The following CCNH variants were observed in gnomAD, a reference collection of about 807,000 sequenced individuals.
CCNH encodes the protein cyclin H.
CCNH carries 31 observed loss-of-function variants against 41.9 expected under a neutral mutation model. That is an observed-to-expected ratio of 0.74 (90% CI 0.56 to 1.00). CCNH has a LOEUF of 1.00. Ranked by LOEUF, CCNH falls within the 50% of genes least tolerant of loss-of-function variation. The pLI is 0.00. For synonymous variants in CCNH, 138 were observed against 136.1 expected (o/e 1.01, Z -0.10); for missense variants, 362 against 388.4 (o/e 0.93, Z 0.57).
At chr5:87,351,672 G>A (rs1382358832) in intron 9 of CCNH, among the ~76,000 whole-genome samples, 1 of 151,592 alleles carries the variant, frequency 6.6e-6, no homozygotes, top group Non-Finnish European at 1.5e-5. Flanking sequence ...GAAAATTCTG[G>A]TTTATCTCCC....
At chr5:87,372,039 GAAA>G, downstream of CCNH, 2 of 1,020,322 alleles carry the variant, frequency 2.0e-6, no homozygotes, top group Non-Finnish European at 2.8e-6. Flanking sequence ...TGTTGAATTT[GAAA>G]AAAAAAACCT....
rs1206982230 is a variant in CCNH, at chr5:87,408,192, G to T, written c.315-6C>A. On this transcript the variant is annotated splice_region_variant and splice_polypyrimidine_tract_variant and intron_variant, in intron 3 of 8. Coordinates refer to ENST00000256897, the MANE Select transcript of CCNH (RefSeq NM_001239.4). The stretch of plus-strand genomic sequence containing the variant: ...CCAAAAATGCACAAGTGAGCCTAGA[G>T]GAAAAAATAAGGAGGCAGGAGGCAG... 6.5e-7 allele frequency: 1 copy of T among 1,530,978 alleles called. No individual in the cohort carries two copies. The highest frequency in any genetic ancestry group is 2.3e-5 in the East Asian group (1 of 42,838). The allele number at this position is 1,530,978 out of a possible 1,614,324, so 94.8% of individuals were successfully genotyped here.
chr5:87,376,583 A>T, exon 1 of CCNH: 1 of 1,607,774 alleles, frequency 6.2e-7, no homozygotes. Flanking sequence ...ATTATTTATC[A>T]GTCTTGTTTT....
chr5:87,411,623 T>TG (rs1764250313), intron 1 of CCNH, among the ~76,000 whole-genome samples: 2 of 152,340 alleles, frequency 1.3e-5, no homozygotes, highest in South Asian at 4.1e-4. Flanking sequence ...TGTGTGCACA[T>TG]GCTCACAGTT....
exon 1 of CCNH, chr5:87,376,312 C>T (rs1299454737): frequency 1.3e-6 from 2 of 1,513,064 alleles, no homozygotes; most frequent in African/African-American, 1.4e-5. Flanking sequence ...ATAGGGAAGA[C>T]TGAACACCAG....
At chr5:87,393,865 A>G (rs1221441845), downstream of CCNH, 4 of 152,258 alleles carry the variant, frequency 2.6e-5, no homozygotes, top group African/African-American at 9.7e-5. Flanking sequence ...CTAGCGTAAG[A>G]GTTTGATGTA....
At chr5:87,387,465 TAATC>T (rs1037499628), downstream of CCNH, among the ~76,000 whole-genome samples, 5 of 152,312 alleles carry the variant, frequency 3.3e-5, no homozygotes, top group East Asian at 1.9e-4. Context: ...CTGCCTTTCT[TAATC>T]AAGTTAAATT....
At chr5:87,402,089 C>T (rs1580451256) in intron 5 of CCNH, among the ~76,000 whole-genome samples, 1 of 152,162 alleles carries the variant, frequency 6.6e-6, no homozygotes. Context: ...CCTTATTTTA[C>T]AGATGAGGAA....
At chr5:87,381,036 C>G (rs566843293), upstream of CCNH, among the ~76,000 whole-genome samples, 1 of 152,292 alleles carries the variant, frequency 6.6e-6, no homozygotes, top group South Asian at 2.1e-4. Flanking sequence ...GTGTTTCAGT[C>G]TGCTCATTGT....
At position 87,366,322 on chromosome 5, in the gene CCNH, C is replaced by T. The variant is rs752763749; in HGVS notation, c.*90+26448G>A. 3 of 383,156 alleles carry T rather than the reference C, an allele frequency of 7.8e-6. 1 individual carries two copies. The highest frequency in any genetic ancestry group is 3.9e-5 in the South Asian group (2 of 51,772). The allele number at this position is 383,156 out of a possible 1,614,324, so 23.7% of individuals were successfully genotyped here. A position where few individuals can be genotyped will look rare whatever the true frequency, so the allele number is the denominator to read the frequency against. ...CTGTAAGATTGAAGAAAAGCTTTAG[C>T]ATTATTTTGATATAGTTTATATGAA... On this transcript the variant is annotated intron_variant and NMD_transcript_variant, in intron 9 of 9. Transcript: ENST00000645953.
At chr5:87,394,528 A>C (rs1261374749) in intron 8 of CCNH, 44 bp from the exon 9 acceptor site, 1 of 1,609,976 alleles carries the variant, frequency 6.2e-7, no homozygotes, top group East Asian at 2.2e-5. Context: ...CTGAAGCATA[A>C]CCAGTATTGT....
downstream of CCNH, among the ~76,000 whole-genome samples, chr5:87,374,531 G>A (rs185068636): frequency 1.5e-3 from 204 of 139,894 alleles, no homozygotes; most frequent in Middle Eastern, 0.016. Flanking sequence ...TTTCCACTTA[G>A]TTATTAACAT....
chr5:87,386,328 T>TA (rs1045947391), intron 9 of CCNH, among the ~76,000 whole-genome samples: 26 of 152,108 alleles, frequency 1.7e-4, no homozygotes, highest in African/African-American at 6.3e-4. Flanking sequence ...AGCAGTTAAC[T>TA]ACGTGTATGG....
chr5:87,359,366 C>T (rs1759899756), intron 9 of CCNH, among the ~76,000 whole-genome samples: 1 of 152,136 alleles, frequency 6.6e-6, no homozygotes, highest in Non-Finnish European at 1.5e-5. Flanking sequence ...AAAAGGAACA[C>T]GTAGAGAAGC....
intron 9 of CCNH, among the ~76,000 whole-genome samples, chr5:87,337,110 G>A (rs1758033352): frequency 6.6e-6 from 1 of 151,928 alleles, no homozygotes; most frequent in Admixed American, 6.6e-5. Context: ...ATAGATACAG[G>A]GTTAATGGTA....
At chr5:87,327,167 T>G (rs773321754) in intron 9 of CCNH, among the ~76,000 whole-genome samples, 1 of 152,206 alleles carries the variant, frequency 6.6e-6, no homozygotes, top group Admixed American at 6.5e-5. Context: ...AATAATAATA[T>G]TAAGCCAACA....
upstream of CCNH, among the ~76,000 whole-genome samples, chr5:87,378,772 A>T (rs1167730811): frequency 6.6e-6 from 1 of 152,170 alleles, no homozygotes; most frequent in Non-Finnish European, 1.5e-5. Context: ...AATTCATGAA[A>T]ATACTTTGTC....
chr5:87,327,186 G>C (rs1251907713), intron 9 of CCNH, among the ~76,000 whole-genome samples: 1 of 152,112 alleles, frequency 6.6e-6, no homozygotes, highest in Non-Finnish European at 1.5e-5. Context: ...CATTCTCTGA[G>C]GTAGACACTA....
At chr5:87,411,950 C>T (rs892454299) in intron 1 of CCNH, among the ~76,000 whole-genome samples, 6 of 152,112 alleles carry the variant, frequency 3.9e-5, no homozygotes, top group Non-Finnish European at 8.8e-5. Flanking sequence ...AAAGATTAAA[C>T]CAGTCCGAGA....
Sources: allele counts gnomAD v4.1 joint callset (sites outside exome capture counted in the v4.1 genomes callset), GRCh38; gene constraint gnomAD v4.1.1; transcripts MANE v1.5; gene names NCBI Gene and HGNC (gene_info 2026-07-23, HGNC 2026-07-21).